Variants in TNKS observed in about 807,000 individuals in gnomAD.
TNKS encodes tankyrase.
Under a neutral mutation model 135.8 loss-of-function variants are expected in TNKS, and 72 were observed. The observed-to-expected ratio is 0.53, with a 90% CI of 0.44 to 0.64. The LOEUF (loss-of-function observed/expected upper bound fraction) is 0.64, where lower values mean the gene tolerates loss of function less well. Ranked by LOEUF, TNKS falls within the 30% of genes least tolerant of loss-of-function variation. The pLI, the probability that TNKS is intolerant of heterozygous loss-of-function variation, is 0.00. For synonymous variants in TNKS, 849 were observed against 649.3 expected, an observed-to-expected ratio of 1.31 and a Z score of -4.68; for missense variants, 1,769 against 1,674.0, an observed-to-expected ratio of 1.06 and a Z score of -0.99.
intron 2 of TNKS, among the ~76,000 whole-genome samples, chr8:9,586,993 T>C (rs918437221): frequency 9.2e-5 from 14 of 152,138 alleles, no homozygotes; most frequent in Admixed American, 8.5e-4. Context: ...TAAAAACTTT[T>C]TATAAGAAGT....
At chr8:9,606,187 G>A (rs1299614127) in intron 2 of TNKS, among the ~76,000 whole-genome samples, 5 of 111,490 alleles carry the variant, frequency 4.5e-5, no homozygotes, top group East Asian at 5.8e-4. Flanking sequence ...TAGAGAATCC[G>A]TTGTTTCAGC....
intron 1 of TNKS, among the ~76,000 whole-genome samples, chr8:9,577,809 A>G (rs767972284): frequency 2.6e-5 from 4 of 152,186 alleles, no homozygotes; most frequent in South Asian, 2.1e-4. Flanking sequence ...ATAGTCCCCA[A>G]TAGTCTCAAC....
intron 15 of TNKS, 35 bp downstream of exon 15, chr8:9,733,479 T>G (rs753391696): frequency 5.2e-6 from 8 of 1,546,088 alleles, no homozygotes; most frequent in Non-Finnish European, 7.1e-6. Flanking sequence ...ATATAACTAA[T>G]TTTATTTATA....
chr8:9,767,889 G>A (rs919809854), intron 25 of TNKS, among the ~76,000 whole-genome samples: 1 of 151,254 alleles, frequency 6.6e-6, no homozygotes, highest in Non-Finnish European at 1.5e-5. Context: ...TACCCAGGAG[G>A]CGGAGGTTGC....
At chr8:9,619,525 A>T (rs1285246873) in intron 3 of TNKS, among the ~76,000 whole-genome samples, 1 of 152,190 alleles carries the variant, frequency 6.6e-6, no homozygotes, top group Non-Finnish European at 1.5e-5. Context: ...AAGATGGTTG[A>T]TCCTAGTGTT....
chr8:9,616,748 G>C (rs1173072540), intron 3 of TNKS, among the ~76,000 whole-genome samples: 1 of 152,130 alleles, frequency 6.6e-6, no homozygotes, highest in Non-Finnish European at 1.5e-5. Flanking sequence ...TCAAAGATTA[G>C]TGTATTTAGT....
At chr8:9,569,208 A>C (rs1384826086) in intron 1 of TNKS, among the ~76,000 whole-genome samples, 1 of 152,204 alleles carries the variant, frequency 6.6e-6, no homozygotes, top group Non-Finnish European at 1.5e-5. Context: ...GATTCTAATA[A>C]TTCCTGTCAT....
intron 5 of TNKS, among the ~76,000 whole-genome samples, chr8:9,700,663 A>C (rs1803754797): frequency 1.3e-5 from 2 of 150,822 alleles, no homozygotes; most frequent in African/African-American, 4.9e-5. Flanking sequence ...CCTGGAAACT[A>C]CTCTATCTCT....
intron 2 of TNKS, among the ~76,000 whole-genome samples, chr8:9,602,836 A>G (rs1799068289): frequency 6.6e-6 from 1 of 152,188 alleles, no homozygotes; most frequent in Non-Finnish European, 1.5e-5. Context: ...CAATAGTGAG[A>G]TTTTTAACAT....
chr8:9,728,044 C>G (rs1267375439), intron 13 of TNKS, among the ~76,000 whole-genome samples: 1 of 152,118 alleles, frequency 6.6e-6, no homozygotes, highest in Non-Finnish European at 1.5e-5. Context: ...GCTATATGTG[C>G]TTATTATAAT....
intron 8 of TNKS, 142 bp from the exon 9 acceptor site, chr8:9,708,229 T>A (rs552949400): frequency 2.8e-6 from 2 of 713,282 alleles, no homozygotes; most frequent in South Asian, 5.5e-5. Context: ...TTTGCATTTT[T>A]ATCATCATAT....
intron 1 of TNKS, among the ~76,000 whole-genome samples, chr8:9,573,869 T>G (rs147140125): frequency 1.6e-4 from 25 of 152,308 alleles, no homozygotes; most frequent in South Asian, 1.2e-3. Flanking sequence ...CAGATTTTTC[T>G]CTTTTATTAA....
intron 3 of TNKS, among the ~76,000 whole-genome samples, chr8:9,669,215 G>T (rs1215681939): frequency 6.6e-6 from 1 of 151,220 alleles, no homozygotes; most frequent in African/African-American, 2.4e-5. Context: ...TCAGGAGATC[G>T]AGACCATCCT....
intron 13 of TNKS, among the ~76,000 whole-genome samples, chr8:9,730,148 T>A (rs1486013526): frequency 2.6e-5 from 4 of 152,182 alleles, no homozygotes; most frequent in Non-Finnish European, 5.9e-5. Context: ...TGATACAGTC[T>A]TTCATTCCTT....
At chr8:9,638,292 C>T (rs1377659580) in intron 3 of TNKS, among the ~76,000 whole-genome samples, 11 of 152,182 alleles carry the variant, frequency 7.2e-5, no homozygotes, top group Admixed American at 7.2e-4. Flanking sequence ...TTATATTTCC[C>T]TGTGTTTGCC....
At position 9,723,772 on chromosome 8, in the gene TNKS, T is replaced by C. The variant is rs565958555; in HGVS notation, c.1922-2869T>C. On this transcript the variant is annotated intron_variant, in intron 12 of 26. Coordinates refer to ENST00000310430, the MANE Select transcript of TNKS (RefSeq NM_003747.3). Reference sequence around the variant, plus strand: ...CACACGTGGCTAATGGCTAGCATAATAGCACAAATAACACTATTTCTAGCA... The same window carrying C: ...CACACGTGGCTAATGGCTAGCATAACAGCACAAATAACACTATTTCTAGCA... 1.1e-3 allele frequency among the ~76,000 whole-genome samples: 160 copies of C among 152,348 alleles called. 2 individuals carry two copies. Among genetic ancestry groups the C allele is most frequent in the African/African-American group, 3.6e-3 (149 of 41,586 alleles).
At chr8:9,705,286 CT>C (rs1440292477) in intron 6 of TNKS, among the ~76,000 whole-genome samples, 7 of 152,066 alleles carry the variant, frequency 4.6e-5, no homozygotes, top group Non-Finnish European at 1.0e-4. Context: ...TTTTTGAAAA[CT>C]TTGTATCAGT....
chr8:9,772,024 AAGGG>A (rs1807928364), intron 26 of TNKS, among the ~76,000 whole-genome samples: 1 of 95,992 alleles, frequency 1.0e-5, no homozygotes, highest in Non-Finnish European at 2.1e-5. Flanking sequence ...GGGAGGGAGA[AAGGG>A]AGGGAGTGAG....
intron 2 of TNKS, among the ~76,000 whole-genome samples, chr8:9,599,749 A>AATAATCT (rs141714123): frequency 0.075 from 11,446 of 152,166 alleles, 461 homozygotes; most frequent in South Asian, 0.17. Context: ...ATATGTACAG[A>AATAATCT]ATAATCTATA....
Sources: allele counts gnomAD v4.1 joint callset (sites outside exome capture counted in the v4.1 genomes callset), GRCh38; gene constraint gnomAD v4.1.1; transcripts MANE v1.5; gene names NCBI Gene and HGNC (gene_info 2026-07-23, HGNC 2026-07-21).